The following ABCB5 variants were observed in gnomAD, a reference collection of about 807,000 sequenced individuals.
ABCB5 encodes ATP-binding cassette sub-family B member 5.
In ABCB5, 155 loss-of-function variants were observed where a neutral mutation model predicts 144.2. That is an observed-to-expected ratio of 1.08 (90% CI 0.94 to 1.23). The LOEUF (loss-of-function observed/expected upper bound fraction) is 1.23. ABCB5 is among the 50% of genes most tolerant of loss of function. The pLI is 0.00. For missense variants in ABCB5, 1,830 were observed against 1,520.8 expected (o/e 1.20, Z -3.38); for synonymous variants, 610 against 528.6 (o/e 1.15, Z -2.11).
chr7:20,620,298 C>T (rs1455409147), intron 1 of ABCB5, among the ~76,000 whole-genome samples: 3 of 152,082 alleles, frequency 2.0e-5, no homozygotes, highest in Non-Finnish European at 4.4e-5. Flanking sequence ...AATTATCCAA[C>T]TCCAGAAAAA....
At chr7:20,677,894 A>G (rs1785667297) in intron 14 of ABCB5, among the ~76,000 whole-genome samples, 1 of 152,208 alleles carries the variant, frequency 6.6e-6, no homozygotes, top group South Asian at 2.1e-4. Flanking sequence ...GACCAGCTAC[A>G]TAGTTTGTGG....
chr7:20,719,088 C>T (rs1208192757), intron 20 of ABCB5, among the ~76,000 whole-genome samples: 1 of 152,122 alleles, frequency 6.6e-6, no homozygotes, highest in Non-Finnish European at 1.5e-5. Flanking sequence ...TAAACCAAAT[C>T]TGAATGTGTA....
intron 5 of ABCB5, among the ~76,000 whole-genome samples, chr7:20,640,874 C>T (rs1784281469): frequency 6.6e-6 from 1 of 152,164 alleles, no homozygotes; most frequent in African/African-American, 2.4e-5. Flanking sequence ...ACCTCACTGG[C>T]CTCTTGGCAG....
chr7:20,753,227 AT>A (rs777193803), intron 26 of ABCB5, 132 bp from the exon 27 acceptor site: 19 of 1,103,346 alleles, frequency 1.7e-5, no homozygotes, highest in Non-Finnish European at 2.4e-5. Flanking sequence ...CCAAGAATAG[AT>A]TTCAACATTT....
At chr7:20,725,106 G>C (rs554364099) in intron 21 of ABCB5, among the ~76,000 whole-genome samples, 64 of 152,164 alleles carry the variant, frequency 4.2e-4, no homozygotes, top group African/African-American at 1.5e-3. Context: ...TGTATCATTA[G>C]AGCAACCTCA....
intron 23 of ABCB5, among the ~76,000 whole-genome samples, chr7:20,732,873 C>A (rs757838676): frequency 6.6e-6 from 1 of 152,188 alleles, no homozygotes; most frequent in East Asian, 1.9e-4. Flanking sequence ...TTCATGCCTG[C>A]AAATGACACC....
rs529902737 is a variant in ABCB5 at position 20,658,501 on chromosome 7, A to G, written c.1537-5A>G. 48 of 1,610,308 alleles carry G rather than the reference A, an allele frequency of 3.0e-5. No homozygotes were observed. The Middle Eastern group carries it at 1.0e-3, about 33-fold the overall frequency. On this transcript the variant is annotated splice_polypyrimidine_tract_variant and splice_region_variant and intron_variant, in intron 13 of 27. Coordinates refer to ENST00000404938, the MANE Select transcript of ABCB5 (RefSeq NM_001163941.2). The stretch of plus-strand genomic sequence containing the variant: ...TTTCTGTGCTTCTTTCCTATTTTTC[A>G]TTAGAAATTTAATACATTGGTAGGG...
rs181061685 is a variant in ABCB5 at position 20,697,932 on chromosome 7, G to A, written c.2011-475G>A. On this transcript the variant is annotated intron_variant, in intron 16 of 27. Transcript: ENST00000404938. ...ACTCCAAAACAAGCCAAGGTATTAGGAAAATGTTTTTGTAAATACATCTTG... is the reference window on the plus strand; with the variant it reads ...ACTCCAAAACAAGCCAAGGTATTAGAAAAATGTTTTTGTAAATACATCTTG... Among the ~76,000 whole-genome samples the A allele has an allele frequency of 8.5e-4, 130 of 152,282 alleles. 2 individuals carry two copies. Among genetic ancestry groups the A allele is most frequent in the Non-Finnish European group, 1.1e-3 (77 of 68,014 alleles).
chr7:20,662,923 A>T (rs1309882489), intron 14 of ABCB5, among the ~76,000 whole-genome samples: 2 of 152,214 alleles, frequency 1.3e-5, no homozygotes, highest in Admixed American at 1.3e-4. Flanking sequence ...CCCCGAAGCC[A>T]TTTGTGGGTC....
chr7:20,711,787 T>TCTTC lies in ABCB5; in HGVS notation c.2421+6983_2421+6984insCCTT, dbSNP rs1382362107. Among the ~76,000 whole-genome samples the TCTTC allele has an allele frequency of 5.5e-4, 17 of 30,908 alleles. 4 individuals are homozygous for TCTTC. Among genetic ancestry groups the TCTTC allele is most frequent in the Middle Eastern group, 0.014 (1 of 70 alleles). 20.3% of individuals were successfully genotyped at this position (30,908 alleles called of 152,430 possible). On this transcript the variant is annotated intron_variant, in intron 20 of 27. Coordinates refer to ENST00000404938, the MANE Select transcript of ABCB5 (RefSeq NM_001163941.2). ...CTGCCTTTCCTTCTTTCTCTTTCTT[T>TCTTC]CTTTCTTTCTTTCTTTCTTTCTTTC...
intron 16 of ABCB5, among the ~76,000 whole-genome samples, chr7:20,692,671 G>GT (rs1491186535): frequency 6.6e-6 from 1 of 151,790 alleles, no homozygotes; most frequent in Non-Finnish European, 1.5e-5. Context: ...TATATTATGG[G>GT]TTTTTTTAAG....
At chr7:20,682,825 C>T (rs1785872362) in intron 15 of ABCB5, among the ~76,000 whole-genome samples, 1 of 152,158 alleles carries the variant, frequency 6.6e-6, no homozygotes, top group African/African-American at 2.4e-5. Flanking sequence ...CATGATGATG[C>T]TGGAGGCACA....
chr7:20,674,857 T>G (rs1201033084), intron 14 of ABCB5, among the ~76,000 whole-genome samples: 10 of 151,732 alleles, frequency 6.6e-5, no homozygotes, highest in African/African-American at 2.2e-4. Context: ...TTAGTTGCAT[T>G]TCTGTTCACA....
At chr7:20,658,823 G>C in intron 14 of ABCB5, 147 bp downstream of exon 14, 1 of 1,078,980 alleles carries the variant, frequency 9.3e-7, no homozygotes, top group Non-Finnish European at 1.3e-6. Context: ...GAGAACTTAC[G>C]TGATGGCTAT....
chr7:20,619,967 G>A (rs1050640944), intron 1 of ABCB5, among the ~76,000 whole-genome samples: 4 of 152,184 alleles, frequency 2.6e-5, no homozygotes, highest in South Asian at 2.1e-4. Flanking sequence ...CTTTGTTAAC[G>A]ATCAGATGGC....
At chr7:20,725,064 T>C (rs1362147931) in intron 21 of ABCB5, among the ~76,000 whole-genome samples, 1 of 152,248 alleles carries the variant, frequency 6.6e-6, no homozygotes, top group Non-Finnish European at 1.5e-5. Context: ...CATGAGCTTT[T>C]GCTGTATATG....
intron 14 of ABCB5, among the ~76,000 whole-genome samples, chr7:20,673,614 A>C (rs900154464): frequency 1.3e-5 from 2 of 151,892 alleles, no homozygotes; most frequent in Admixed American, 6.6e-5. Flanking sequence ...GCATGGTATG[A>C]GTTTTTTATC....
intron 14 of ABCB5, among the ~76,000 whole-genome samples, chr7:20,671,390 T>C (rs560035780): frequency 1.3e-5 from 2 of 152,328 alleles, no homozygotes; most frequent in Admixed American, 1.3e-4. Context: ...TGGAAAAATT[T>C]TGGCGTATAT....
At chr7:20,667,638 T>A (rs1006735429) in intron 14 of ABCB5, 2 of 830,846 alleles carry the variant, frequency 2.4e-6, no homozygotes, top group Non-Finnish European at 2.9e-6. Context: ...AGATTTGAGA[T>A]CTGTTTGCTT....
Sources: allele counts gnomAD v4.1 joint callset (sites outside exome capture counted in the v4.1 genomes callset), GRCh38; gene constraint gnomAD v4.1.1; transcripts MANE v1.5; gene names NCBI Gene and HGNC (gene_info 2026-07-23, HGNC 2026-07-21).